CCDC7: variants seen among roughly 807,000 people sequenced by gnomAD.
CCDC7 encodes coiled-coil domain-containing protein 7.
Under a neutral mutation model 196.9 loss-of-function variants are expected in CCDC7, and 183 were observed. The observed-to-expected ratio is 0.93, with a 90% CI of 0.82 to 1.05. The LOEUF (loss-of-function observed/expected upper bound fraction) is 1.05, where lower values mean the gene tolerates loss of function less well. CCDC7 is among the 50% of genes least tolerant of loss of function. The probability of loss-of-function intolerance (pLI) is 0.00; values close to 1 mark genes in which losing one functional copy is unlikely to be tolerated. For synonymous variants in CCDC7, 525 were observed against 484.6 expected (o/e 1.08, Z -1.10); for missense variants, 1,540 against 1,482.2 (o/e 1.04, Z -0.64).
chr10:32,756,727 T>G (rs56201257), intron 28 of CCDC7, among the ~76,000 whole-genome samples: 13,046 of 152,168 alleles, frequency 0.086, 878 homozygotes, highest in South Asian at 0.25. Context: ...ACATCATAAT[T>G]ACAGGATCAA....
chr10:32,643,070 C>G (rs534460519), intron 20 of CCDC7, among the ~76,000 whole-genome samples: 7 of 152,124 alleles, frequency 4.6e-5, no homozygotes, highest in African/African-American at 1.7e-4. Context: ...TTTTGATTTC[C>G]TTTAATTTTT....
chr10:32,499,317 T>C (rs1302821876), intron 9 of CCDC7: 1 of 152,158 alleles, frequency 6.6e-6, no homozygotes, highest in Non-Finnish European at 1.5e-5. Context: ...CTCTGATGGA[T>C]TGGACAATGT....
intron 20 of CCDC7, among the ~76,000 whole-genome samples, chr10:32,639,796 T>G (rs548661853): frequency 2.2e-4 from 34 of 152,174 alleles, no homozygotes; most frequent in African/African-American, 7.9e-4. Flanking sequence ...TGCCGGCTAA[T>G]TTTTTGTTAT....
At chr10:32,493,662 A>G (rs142396831) in intron 9 of CCDC7, among the ~76,000 whole-genome samples, 1 of 152,154 alleles carries the variant, frequency 6.6e-6, no homozygotes, top group Non-Finnish European at 1.5e-5. Context: ...CTAACAGTGT[A>G]TAAGAGTTCC....
chr10:32,661,375 G>A (rs563950110), intron 20 of CCDC7, among the ~76,000 whole-genome samples: 2 of 151,894 alleles, frequency 1.3e-5, no homozygotes, highest in Non-Finnish European at 2.9e-5. Flanking sequence ...CTGTTGGTGG[G>A]ACTGTAAACT....
chr10:32,637,906 C>T (rs191629838), intron 20 of CCDC7, among the ~76,000 whole-genome samples: 15,997 of 151,966 alleles, frequency 0.11, 1,030 homozygotes, highest in South Asian at 0.25. Context: ...TTTATTTCAT[C>T]GAGCAGTGGT....
At chr10:32,689,241 A>G (rs1455347645) in intron 23 of CCDC7, 78 bp downstream of exon 24, 2 of 910,982 alleles carry the variant, frequency 2.2e-6, no homozygotes, top group Non-Finnish European at 3.3e-6. Context: ...TTGATTCACA[A>G]AAGTTTTACA....
chr10:32,656,468 TG>T (rs928355284), intron 20 of CCDC7, among the ~76,000 whole-genome samples: 4 of 152,152 alleles, frequency 2.6e-5, no homozygotes, highest in Non-Finnish European at 5.9e-5. Flanking sequence ...CTTACAATCA[TG>T]GCAGAAGGGG....
At chr10:32,726,388 A>G (rs2083130331) in intron 25 of CCDC7, among the ~76,000 whole-genome samples, 1 of 151,990 alleles carries the variant, frequency 6.6e-6, no homozygotes, top group Admixed American at 6.6e-5. Context: ...GCAATTATGA[A>G]TAATATGGTA....
intron 11 of CCDC7, among the ~76,000 whole-genome samples, chr10:32,534,744 C>T (rs184656549): frequency 6.6e-6 from 1 of 152,110 alleles, no homozygotes; most frequent in East Asian, 1.9e-4. Context: ...AATGAATATT[C>T]CTTCTACGAT....
At chr10:32,604,922 T>G (rs2061416777) in intron 18 of CCDC7, among the ~76,000 whole-genome samples, 1 of 152,212 alleles carries the variant, frequency 6.6e-6, no homozygotes, top group Non-Finnish European at 1.5e-5. Flanking sequence ...TATTTCTTTC[T>G]CTTGCCTGAT....
chr10:32,557,481 A>G (rs1243199821), intron 13 of CCDC7, among the ~76,000 whole-genome samples: 1 of 152,038 alleles, frequency 6.6e-6, no homozygotes, highest in Non-Finnish European at 1.5e-5. Context: ...ACAATTATAT[A>G]TTAGACATAT....
chr10:32,575,370 C>T (rs572325951), intron 16 of CCDC7, among the ~76,000 whole-genome samples: 6 of 152,170 alleles, frequency 3.9e-5, no homozygotes, highest in African/African-American at 9.6e-5. Flanking sequence ...CCAAATAGTA[C>T]GCATAAGGTA....
At chr10:32,594,258 C>A (rs1476313185) in intron 18 of CCDC7, among the ~76,000 whole-genome samples, 2 of 152,158 alleles carry the variant, frequency 1.3e-5, no homozygotes, top group Admixed American at 1.3e-4. Context: ...TTGAAGAGGT[C>A]CTTCACAGGC....
chr10:32,628,946 T>C (rs368739250), intron 18 of CCDC7, among the ~76,000 whole-genome samples: 60 of 152,176 alleles, frequency 3.9e-4, no homozygotes, highest in African/African-American at 1.4e-3. Flanking sequence ...AATGGCTGCA[T>C]GTGCTTGAGA....
intron 24 of CCDC7, among the ~76,000 whole-genome samples, chr10:32,698,557 G>A (rs952797810): frequency 2.0e-5 from 3 of 152,180 alleles, no homozygotes; most frequent in Admixed American, 6.5e-5. Context: ...TGTGATGCAT[G>A]CACAAGCTTC....
At chr10:32,801,082 T>G (rs372741947) in intron 29 of CCDC7, among the ~76,000 whole-genome samples, 28 of 152,350 alleles carry the variant, frequency 1.8e-4, no homozygotes, top group African/African-American at 6.5e-4. Flanking sequence ...TCCCACTGCA[T>G]TTAAATTTTA....
intron 19 of CCDC7, among the ~76,000 whole-genome samples, chr10:32,634,616 C>T (rs189838141): frequency 1.3e-5 from 2 of 152,178 alleles, no homozygotes; most frequent in Admixed American, 6.5e-5. Context: ...AGGCTGGTCT[C>T]GAACTCCTGA....
chr10:32,695,340 C>G (rs34152780), intron 24 of CCDC7, among the ~76,000 whole-genome samples: 3,280 of 152,228 alleles, frequency 0.022, 56 homozygotes, highest in Admixed American at 0.035. Context: ...GTCATAGACT[C>G]TAATTGGCAA....
Sources: allele counts gnomAD v4.1 joint callset (sites outside exome capture counted in the v4.1 genomes callset), GRCh38; gene constraint gnomAD v4.1.1; transcripts MANE v1.5; gene names NCBI Gene and HGNC (gene_info 2026-07-23, HGNC 2026-07-21).